The following ZNF33B variants were observed in gnomAD, a reference collection of about 807,000 sequenced individuals.
The protein encoded by ZNF33B is zinc finger protein 11b (KOX 2).
In ZNF33B, 29 loss-of-function variants were observed where a neutral mutation model predicts 45.8. That is an observed-to-expected ratio of 0.63 (90% CI 0.47 to 0.86). ZNF33B has a LOEUF of 0.86. Among genes scored for constraint, ZNF33B ranks in the 40% least tolerant of loss-of-function variants. The pLI is 0.00. For missense variants in ZNF33B, 831 were observed against 909.9 expected, an observed-to-expected ratio of 0.91 and a Z score of 1.12; for synonymous variants, 305 against 307.8, an observed-to-expected ratio of 0.99 and a Z score of 0.10.
At chr10:42,610,336 G>A (rs1237263429) in intron 4 of ZNF33B, among the ~76,000 whole-genome samples, 1 of 151,690 alleles carries the variant, frequency 6.6e-6, no homozygotes, top group African/African-American at 2.4e-5. Context: ...AGGAGGTTGA[G>A]ACCAGCCCGG....
intron 4 of ZNF33B, among the ~76,000 whole-genome samples, chr10:42,596,519 A>G (rs1233038211): frequency 6.6e-6 from 1 of 152,182 alleles, no homozygotes; most frequent in Non-Finnish European, 1.5e-5. Flanking sequence ...ATGGAATTAT[A>G]TTATTTTAAA....
At chr10:42,616,512 G>A (rs1838321487) in intron 4 of ZNF33B, among the ~76,000 whole-genome samples, 1 of 151,944 alleles carries the variant, frequency 6.6e-6, no homozygotes, top group African/African-American at 2.4e-5. Context: ...CAAATCGTCT[G>A]CACACAAAAT....
chr10:42,634,366 C>CACTG (rs1169568265), intron 2 of ZNF33B, among the ~76,000 whole-genome samples: 4 of 151,914 alleles, frequency 2.6e-5, no homozygotes, highest in Non-Finnish European at 5.9e-5. Flanking sequence ...AAGATCGCAC[C>CACTG]ACTGCACTGC....
At chr10:42,623,037 G>A (rs529682641) in intron 4 of ZNF33B, among the ~76,000 whole-genome samples, 12 of 152,276 alleles carry the variant, frequency 7.9e-5, no homozygotes, top group African/African-American at 2.9e-4. Flanking sequence ...GGAGGTCAAG[G>A]TGGGTGATCA....
intron 4 of ZNF33B, among the ~76,000 whole-genome samples, chr10:42,610,012 G>A (rs1006788931): frequency 1.6e-4 from 25 of 151,930 alleles, no homozygotes; most frequent in African/African-American, 5.3e-4. Context: ...AGATAAGAAT[G>A]CCTTCTTGCC....
intron 4 of ZNF33B, among the ~76,000 whole-genome samples, chr10:42,611,799 T>A (rs1838106609): frequency 6.6e-6 from 1 of 152,230 alleles, no homozygotes; most frequent in Non-Finnish European, 1.5e-5. Flanking sequence ...TTGATTTTTC[T>A]CTATTAAGCT....
chr10:42,602,365 C>T (rs1211427236), intron 4 of ZNF33B, among the ~76,000 whole-genome samples: 1 of 151,378 alleles, frequency 6.6e-6, no homozygotes, highest in African/African-American at 2.4e-5. Context: ...CATATGGAAC[C>T]AAATTATAGC....
chr10:42,584,525 C>CT (rs200015044), downstream of ZNF33B, among the ~76,000 whole-genome samples: 4,954 of 143,816 alleles, frequency 0.034, 121 homozygotes, highest in East Asian at 0.13. Flanking sequence ...TTCCTTTGAG[C>CT]TTTTTTTTTT....
intron 4 of ZNF33B, among the ~76,000 whole-genome samples, chr10:42,605,605 C>T (rs1837808153): frequency 6.6e-6 from 1 of 152,088 alleles, no homozygotes; most frequent in Non-Finnish European, 1.5e-5. Flanking sequence ...AAAAGAAGTT[C>T]TTTAGGGTGA....
intron 1 of ZNF33B, among the ~76,000 whole-genome samples, chr10:42,638,049 G>A (rs1839409151): frequency 6.6e-6 from 1 of 152,212 alleles, no homozygotes; most frequent in South Asian, 2.1e-4. Flanking sequence ...ATGACTGGAG[G>A]GCAGTTCGAA....
At chr10:42,601,908 CTTTTT>C (rs34431290) in intron 4 of ZNF33B, among the ~76,000 whole-genome samples, 4 of 75,334 alleles carry the variant, frequency 5.3e-5, no homozygotes, top group African/African-American at 1.0e-4. Context: ...ATGTGATATT[CTTTTT>C]TTTTTTTTTT....
chr10:42,584,973 C>T (rs541714424), downstream of ZNF33B, among the ~76,000 whole-genome samples: 2 of 152,306 alleles, frequency 1.3e-5, no homozygotes, highest in South Asian at 2.1e-4. Context: ...ACTAGGGCTT[C>T]GGGTTTAGGA....
At chr10:42,586,162 T>C (rs1440890825), downstream of ZNF33B, among the ~76,000 whole-genome samples, 1 of 149,704 alleles carries the variant, frequency 6.7e-6, no homozygotes, top group Admixed American at 6.7e-5. Context: ...TTTTTTTTTT[T>C]TTTTTTTTTG....
intron 4 of ZNF33B, among the ~76,000 whole-genome samples, chr10:42,621,313 CAG>C (rs1838574336): frequency 6.6e-6 from 1 of 151,562 alleles, no homozygotes; most frequent in Admixed American, 6.6e-5. Context: ...GTCTGGGCAA[CAG>C]AGTGAGACTC....
At chr10:42,612,774 T>C (rs1267022191) in intron 4 of ZNF33B, among the ~76,000 whole-genome samples, 2 of 152,248 alleles carry the variant, frequency 1.3e-5, no homozygotes. Context: ...TGTAGAGAAC[T>C]GGTATATTTC....
intron 4 of ZNF33B, among the ~76,000 whole-genome samples, chr10:42,595,124 C>T (rs2132044840): frequency 6.6e-6 from 1 of 152,278 alleles, no homozygotes; most frequent in Admixed American, 6.5e-5. Context: ...CAAATCACCA[C>T]TATGCAATAG....
chr10:42,600,069 T>A (rs540859883), intron 4 of ZNF33B, among the ~76,000 whole-genome samples: 3 of 152,208 alleles, frequency 2.0e-5, no homozygotes, highest in South Asian at 2.1e-4. Context: ...ATGACTTCAA[T>A]CCTTTTATAT....
In ZNF33B at chr10:42,593,422, A is replaced by C. The variant is rs142699977; in HGVS notation, c.1528T>G (p.Ser510Ala). ...ATTATCTGATGCCTGGTGAGTACTG[A>C]CTTGTGGTAGAAAGTTTTCCCACAT... ...NACGKTFYHKSVLTRHQIIHT... is the reference protein window; with the variant it reads ...NACGKTFYHKAVLTRHQIIHT... Residue 510 changes from serine to alanine, a missense_variant, in exon 5 of 5, where the codon TCA becomes GCA. Ser to Ala is a moderately conservative substitution (Grantham distance 99, BLOSUM62 1). Coordinates refer to ENST00000359467, the MANE Select transcript of ZNF33B (RefSeq NM_006955.3). 18 of 1,613,914 alleles carry C rather than the reference A, an allele frequency of 1.1e-5. No homozygotes were observed. The highest frequency in any genetic ancestry group is 1.5e-5 in the Non-Finnish European group (18 of 1,179,992).
intron 4 of ZNF33B, among the ~76,000 whole-genome samples, chr10:42,625,296 T>C (rs974048962): frequency 1.3e-5 from 2 of 152,122 alleles, no homozygotes; most frequent in African/African-American, 4.8e-5. Context: ...GTCCTATACA[T>C]ATTTTGTTCA....
Sources: gnomAD v4.1 joint callset for allele counts (sites outside exome capture counted in the v4.1 genomes callset) on GRCh38, gnomAD v4.1.1 for gene constraint, MANE v1.5 for transcripts, NCBI Gene and HGNC (gene_info 2026-07-23, HGNC 2026-07-21) for gene names.